PRKAG2: variants seen among roughly 807,000 people sequenced by gnomAD.
PRKAG2 encodes the protein protein kinase AMP-activated non-catalytic subunit gamma 2, also known as 5'-AMP-activated protein kinase subunit gamma-2.
A neutral mutation model predicts 69.6 loss-of-function variants in PRKAG2; 26 were observed. The observed-to-expected ratio is 0.37, with a 90% confidence interval of 0.27 to 0.52. The LOEUF is 0.52. Ranked by LOEUF, PRKAG2 falls within the 20% of genes least tolerant of loss-of-function variation. The pLI, the probability that PRKAG2 is intolerant of heterozygous loss-of-function variation, is 0.90. For missense variants in PRKAG2, 557 were observed against 740.0 expected (o/e 0.75, Z 2.87); for synonymous variants, 293 against 285.0 (o/e 1.03, Z -0.28).
At chr7:151,782,922 C>A (rs1299654916) in intron 2 of PRKAG2, among the ~76,000 whole-genome samples, 1 of 152,240 alleles carries the variant, frequency 6.6e-6, no homozygotes, top group Non-Finnish European at 1.5e-5. Context: ...TCGTCCGCAG[C>A]GCTCGCGGGG....
intron 3 of PRKAG2, chr7:151,735,763 A>T: frequency 8.2e-7 from 1 of 1,223,048 alleles, no homozygotes; most frequent in Non-Finnish European, 1.1e-6. Context: ...GTATTCCTCT[A>T]ACCACCGCCT....
At chr7:151,839,473 G>A (rs1019998959) in intron 1 of PRKAG2, among the ~76,000 whole-genome samples, 4 of 152,170 alleles carry the variant, frequency 2.6e-5, no homozygotes, top group Non-Finnish European at 5.9e-5. Context: ...TTTTCATTGA[G>A]CAACCTTGTA....
rs1013975235 is a variant in PRKAG2, at chr7:151,771,510, A to T, written c.466+9642T>A. 2.6e-5 allele frequency among the ~76,000 whole-genome samples: 4 copies of T among 152,152 alleles called. No individual in the cohort carries two copies. Among genetic ancestry groups the T allele is most frequent in the African/African-American group, 9.7e-5 (4 of 41,424 alleles). On this transcript the variant is annotated intron_variant, in intron 3 of 15. Coordinates refer to ENST00000287878, the MANE Select transcript of PRKAG2 (RefSeq NM_016203.4). The surrounding 1 kb of genome is among the most constrained non-coding windows in gnomAD (Gnocchi z 4.0). ...ACAACTGTGGGAGGAATCATTTTGT[A>T]TGCATGCAGTACACACAATGCCATC...
chr7:151,730,115 G>A (rs958696045), intron 3 of PRKAG2, among the ~76,000 whole-genome samples: 1 of 152,196 alleles, frequency 6.6e-6, no homozygotes. Flanking sequence ...TAATGGGAAT[G>A]CATACGTGAA....
chr7:151,732,843 C>T (rs1437705597), intron 3 of PRKAG2, among the ~76,000 whole-genome samples: 1 of 152,206 alleles, frequency 6.6e-6, no homozygotes, highest in African/African-American at 2.4e-5. Context: ...CAGGCACCTG[C>T]TAACACCCCC....
intron 1 of PRKAG2, among the ~76,000 whole-genome samples, chr7:151,843,496 T>C (rs188712726): frequency 7.9e-4 from 120 of 152,342 alleles, no homozygotes; most frequent in Non-Finnish European, 1.5e-3. Flanking sequence ...TCATGAATTA[T>C]GTCACCAAAA....
chr7:151,730,016 G>A (rs531341425), intron 3 of PRKAG2, among the ~76,000 whole-genome samples: 1 of 152,344 alleles, frequency 6.6e-6, no homozygotes, highest in East Asian at 1.9e-4. Flanking sequence ...GCCAGGGGCT[G>A]GGGTCAGGGG....
chr7:151,806,834 G>A, intron 1 of PRKAG2: 1 of 376,194 alleles, frequency 2.7e-6, no homozygotes, highest in Non-Finnish European at 5.2e-6. Context: ...GGGCGTGTTG[G>A]TGCATGCTGT....
At chr7:151,858,533 T>C (rs1487535631) in intron 1 of PRKAG2, among the ~76,000 whole-genome samples, 1 of 152,186 alleles carries the variant, frequency 6.6e-6, no homozygotes, top group Non-Finnish European at 1.5e-5. Context: ...CACCCCATTA[T>C]TCCCCTCCAC....
At chr7:151,757,220 A>C (rs749490026) in intron 3 of PRKAG2, among the ~76,000 whole-genome samples, 11 of 152,242 alleles carry the variant, frequency 7.2e-5, no homozygotes, top group Non-Finnish European at 1.2e-4. Context: ...TCCTCCACAC[A>C]AAGCACAAAA....
chr7:151,703,819 A>G (rs1838118451), intron 3 of PRKAG2, among the ~76,000 whole-genome samples: 1 of 148,532 alleles, frequency 6.7e-6, no homozygotes, highest in South Asian at 2.2e-4. Flanking sequence ...CCTAACCAAC[A>G]TGGTGAAACC....
At chr7:151,729,416 G>A (rs1377971400) in intron 3 of PRKAG2, among the ~76,000 whole-genome samples, 2 of 152,018 alleles carry the variant, frequency 1.3e-5, no homozygotes, top group Non-Finnish European at 2.9e-5. Context: ...GAGGTGGGTG[G>A]GGGCCGGGGA....
chr7:151,574,573 A>C (rs1341749821), intron 8 of PRKAG2, among the ~76,000 whole-genome samples: 1 of 152,228 alleles, frequency 6.6e-6, no homozygotes, highest in Non-Finnish European at 1.5e-5. Context: ...AGATAAGCAA[A>C]ACTTACAGAA....
At chr7:151,721,803 G>A (rs990450474) in intron 3 of PRKAG2, among the ~76,000 whole-genome samples, 6 of 152,094 alleles carry the variant, frequency 3.9e-5, no homozygotes, top group Non-Finnish European at 5.9e-5. Flanking sequence ...GACGTTATCT[G>A]GCCTTACCAT....
At chr7:151,742,928 G>A (rs1180460493) in intron 3 of PRKAG2, among the ~76,000 whole-genome samples, 1 of 152,226 alleles carries the variant, frequency 6.6e-6, no homozygotes. Flanking sequence ...CTGATGCGTT[G>A]GGAGAGATGG....
intron 3 of PRKAG2, among the ~76,000 whole-genome samples, chr7:151,757,805 T>A (rs550242177): frequency 1.3e-5 from 2 of 152,324 alleles, no homozygotes; most frequent in African/African-American, 4.8e-5. Flanking sequence ...GTGGGTCAGA[T>A]AAAGCAGCTG....
At chr7:151,725,475 G>A (rs1260608040) in intron 3 of PRKAG2, among the ~76,000 whole-genome samples, 10 of 151,694 alleles carry the variant, frequency 6.6e-5, no homozygotes, top group Admixed American at 5.9e-4. Flanking sequence ...GCACAGCCAC[G>A]TGCGTGTACT....
intron 2 of PRKAG2, among the ~76,000 whole-genome samples, chr7:151,782,038 G>A (rs1251402429): frequency 1.3e-5 from 2 of 152,030 alleles, no homozygotes; most frequent in Non-Finnish European, 2.9e-5. Flanking sequence ...TTGGAAGGCC[G>A]AGGCGGGTGG....
chr7:151,819,872 C>A (rs2078728721), intron 1 of PRKAG2, among the ~76,000 whole-genome samples: 1 of 152,190 alleles, frequency 6.6e-6, no homozygotes, highest in Non-Finnish European at 1.5e-5. Flanking sequence ...GTGTTTGGAG[C>A]ATGTCACCTG....
Sources: allele counts gnomAD v4.1 joint callset (sites outside exome capture counted in the v4.1 genomes callset), GRCh38; gene constraint gnomAD v4.1.1; non-coding constraint Gnocchi (gnomAD v3.1); transcripts MANE v1.5; gene names NCBI Gene and HGNC (gene_info 2026-07-23, HGNC 2026-07-21).